Variants in UNC5D observed in about 807,000 individuals in gnomAD.
UNC5D encodes unc-5 netrin receptor D, also known as netrin receptor UNC5D.
UNC5D carries 39 observed loss-of-function variants against 105.4 expected under a neutral mutation model. The observed-to-expected ratio is 0.37, with a 90% CI of 0.29 to 0.48. The LOEUF (loss-of-function observed/expected upper bound fraction) is 0.48. Ranked by LOEUF, UNC5D falls within the 20% of genes least tolerant of loss-of-function variation. UNC5D has a pLI of 0.98. For missense variants in UNC5D, 991 were observed against 1,202.4 expected (o/e 0.82, Z 2.60); for synonymous variants, 452 against 450.4 (o/e 1.00, Z -0.04).
chr8:35,547,603 C>T (rs1186847309), intron 1 of UNC5D, among the ~76,000 whole-genome samples: 1 of 152,142 alleles, frequency 6.6e-6, no homozygotes, highest in Non-Finnish European at 1.5e-5. Context: ...CCAGTCAGAA[C>T]AATCCTCCTG....
At chr8:35,526,948 C>T (rs1813918852) in intron 1 of UNC5D, among the ~76,000 whole-genome samples, 1 of 152,144 alleles carries the variant, frequency 6.6e-6, no homozygotes, top group African/African-American at 2.4e-5. Flanking sequence ...TGTTTGTATC[C>T]ATCATGGGTC....
chr8:35,455,159 T>C (rs1808403916), intron 1 of UNC5D, among the ~76,000 whole-genome samples: 1 of 152,184 alleles, frequency 6.6e-6, no homozygotes, highest in Admixed American at 6.5e-5. Context: ...TCTTTCTATC[T>C]GCTTATAGAA....
At chr8:35,710,604 T>G (rs1827878340) in intron 8 of UNC5D, among the ~76,000 whole-genome samples, 1 of 151,932 alleles carries the variant, frequency 6.6e-6, no homozygotes, top group South Asian at 2.1e-4. Context: ...TTGGATGAGA[T>G]CACTAGATAA....
At chr8:35,738,239 TTC>T (rs1306428052) in intron 11 of UNC5D, among the ~76,000 whole-genome samples, 1 of 152,224 alleles carries the variant, frequency 6.6e-6, no homozygotes, top group Non-Finnish European at 1.5e-5. Flanking sequence ...GAGCAAATCA[TTC>T]TCTTTCTCTA....
intron 4 of UNC5D, among the ~76,000 whole-genome samples, chr8:35,670,252 C>T (rs927734116): frequency 4.6e-5 from 7 of 152,084 alleles, no homozygotes; most frequent in Non-Finnish European, 1.0e-4. Flanking sequence ...TTAGCAAGAG[C>T]CACTTCGGTG....
At chr8:35,343,280 T>G (rs1811582794) in intron 1 of UNC5D, among the ~76,000 whole-genome samples, 1 of 152,252 alleles carries the variant, frequency 6.6e-6, no homozygotes, top group Middle Eastern at 3.4e-3. Flanking sequence ...AGAATCATAC[T>G]TTAAATTGTA....
intron 14 of UNC5D, among the ~76,000 whole-genome samples, chr8:35,759,992 A>G (rs1801446409): frequency 6.6e-6 from 1 of 152,106 alleles, no homozygotes; most frequent in African/African-American, 2.4e-5. Context: ...GATGGGAAGA[A>G]GAAATTACCA....
chr8:35,464,779 C>A (rs1353221807), intron 1 of UNC5D, among the ~76,000 whole-genome samples: 1 of 152,218 alleles, frequency 6.6e-6, no homozygotes. Context: ...CCCTGGCCAT[C>A]TCCCAAGTCA....
intron 1 of UNC5D, among the ~76,000 whole-genome samples, chr8:35,545,265 C>T (rs1586096901): frequency 6.6e-6 from 1 of 152,210 alleles, no homozygotes; most frequent in Non-Finnish European, 1.5e-5. Context: ...TAGAATCTGT[C>T]AGCAATTTAT....
At chr8:35,676,932 T>G (rs1299453099) in intron 4 of UNC5D, among the ~76,000 whole-genome samples, 1 of 152,134 alleles carries the variant, frequency 6.6e-6, no homozygotes, top group East Asian at 1.9e-4. Flanking sequence ...ATAATAAATT[T>G]TGTAATATAC....
At chr8:35,334,359 A>G (rs1314547726) in intron 1 of UNC5D, among the ~76,000 whole-genome samples, 1 of 152,228 alleles carries the variant, frequency 6.6e-6, no homozygotes, top group Admixed American at 6.5e-5. Context: ...TATCTTGGAG[A>G]GTAAAATAAG....
chr8:35,698,893 T>C (rs1229474632), intron 7 of UNC5D, among the ~76,000 whole-genome samples: 1 of 152,162 alleles, frequency 6.6e-6, no homozygotes, highest in Non-Finnish European at 1.5e-5. Context: ...ATTTTGAATA[T>C]ATACAGTATA....
intron 4 of UNC5D, among the ~76,000 whole-genome samples, chr8:35,629,667 A>G (rs1408765416): frequency 2.6e-5 from 4 of 152,254 alleles, no homozygotes; most frequent in Non-Finnish European, 2.9e-5. Context: ...CGTAACAATC[A>G]TGTACATGGA....
chr8:35,552,828 A>G (rs2130708531), intron 2 of UNC5D, among the ~76,000 whole-genome samples: 1 of 152,308 alleles, frequency 6.6e-6, no homozygotes, highest in South Asian at 2.1e-4. Context: ...TTACGTTGAC[A>G]TTAAAAATTC....
intron 1 of UNC5D, chr8:35,256,241 C>T (rs754623051): frequency 1.3e-5 from 2 of 152,136 alleles, no homozygotes; most frequent in Non-Finnish European, 2.9e-5. Flanking sequence ...ACATTTTAGT[C>T]ACTGAAGGAA....
At chr8:35,507,648 G>A (rs1270181820) in intron 1 of UNC5D, among the ~76,000 whole-genome samples, 1 of 151,916 alleles carries the variant, frequency 6.6e-6, no homozygotes, top group African/African-American at 2.4e-5. Context: ...AGGTGGGGAT[G>A]GTTAATGGGT....
At chr8:35,278,257 C>T (rs2128845594) in intron 1 of UNC5D, among the ~76,000 whole-genome samples, 1 of 152,300 alleles carries the variant, frequency 6.6e-6, no homozygotes, top group East Asian at 1.9e-4. Context: ...TGGCCACACT[C>T]ATCAGCAGCC....
intron 1 of UNC5D, among the ~76,000 whole-genome samples, chr8:35,535,829 A>G (rs916876228): frequency 2.0e-5 from 3 of 152,150 alleles, no homozygotes; most frequent in African/African-American, 7.2e-5. Context: ...ACAATATCCT[A>G]TTATAGACTG....
intron 4 of UNC5D, among the ~76,000 whole-genome samples, chr8:35,618,025 T>G (rs940238894): frequency 3.9e-5 from 6 of 152,212 alleles, no homozygotes; most frequent in Admixed American, 3.9e-4. Context: ...GGCTTAAACC[T>G]TAATTTCTGT....
Sources: allele counts gnomAD v4.1 joint callset (sites outside exome capture counted in the v4.1 genomes callset), GRCh38; gene constraint gnomAD v4.1.1; transcripts MANE v1.5; gene names NCBI Gene and HGNC (gene_info 2026-07-23, HGNC 2026-07-21).